COL21A1: variants seen among roughly 807,000 people sequenced by gnomAD.
The protein encoded by COL21A1 is collagen type XXI alpha 1 chain, also known as collagen alpha-1(XXI) chain.
A neutral mutation model predicts 137.9 loss-of-function variants in COL21A1; 149 were observed. The observed-to-expected ratio is 1.08, with a 90% CI of 0.95 to 1.24. The LOEUF is 1.24. Among genes scored for constraint, COL21A1 ranks in the 50% most tolerant of loss-of-function variants. The pLI, the probability that COL21A1 is intolerant of heterozygous loss-of-function variation, is 0.00. For missense variants in COL21A1, 1,167 were observed against 1,158.4 expected (o/e 1.01, Z -0.11); for synonymous variants, 456 against 391.5 (o/e 1.16, Z -1.95).
chr6:56,250,838 T>A (rs1423117741), upstream of COL21A1, among the ~76,000 whole-genome samples: 1 of 152,226 alleles, frequency 6.6e-6, no homozygotes, highest in African/African-American at 2.4e-5. Context: ...TATCTTTTTA[T>A]ATCTGATTAA....
chr6:56,213,470 A>G (rs907082437), intron 1 of COL21A1, among the ~76,000 whole-genome samples: 4 of 152,210 alleles, frequency 2.6e-5, no homozygotes, highest in African/African-American at 9.6e-5. Flanking sequence ...CCTTGGCCCA[A>G]CAATCACTCT....
chr6:56,160,137 A>G (rs529554614), intron 9 of COL21A1, among the ~76,000 whole-genome samples: 1 of 152,316 alleles, frequency 6.6e-6, no homozygotes, highest in African/African-American at 2.4e-5. Context: ...ATAAAACTGG[A>G]AGAATAAAGT....
chr6:56,335,003 T>A (rs1241532256), intron 1 of COL21A1, among the ~76,000 whole-genome samples: 6 of 152,204 alleles, frequency 3.9e-5, no homozygotes, highest in African/African-American at 1.4e-4. Flanking sequence ...TCTTTGTATA[T>A]TACCCAGTCT....
chr6:56,059,988 T>A, intron 28 of COL21A1, 30 bp downstream of exon 28: 1 of 1,533,118 alleles, frequency 6.5e-7, no homozygotes, highest in Non-Finnish European at 8.8e-7. Flanking sequence ...CTTTTTAAAA[T>A]TCATTTTCTT....
At chr6:56,382,320 C>T (rs2094009977) in intron 1 of COL21A1, among the ~76,000 whole-genome samples, 1 of 152,190 alleles carries the variant, frequency 6.6e-6, no homozygotes, top group Non-Finnish European at 1.5e-5. Flanking sequence ...TCTATATTCT[C>T]ATAATTCCAT....
intron 10 of COL21A1, among the ~76,000 whole-genome samples, chr6:56,154,935 A>G (rs1324946990): frequency 6.6e-6 from 1 of 151,358 alleles, no homozygotes; most frequent in Non-Finnish European, 1.5e-5. Context: ...TTCTTTTTTG[A>G]GTTCAGGGGT....
intron 12 of COL21A1, among the ~76,000 whole-genome samples, chr6:56,130,165 TTATATATATATATATATATATATATATA>T (rs201644225): frequency 0.11 from 11,680 of 107,964 alleles, 861 homozygotes; most frequent in African/African-American, 0.17. Context: ...TGACAGGGTT[TTATATATATATATATATATATATATATA>T]TATATATATA....
chr6:56,338,698 G>A (rs1765392890), intron 1 of COL21A1, among the ~76,000 whole-genome samples: 1 of 152,130 alleles, frequency 6.6e-6, no homozygotes, highest in South Asian at 2.1e-4. Flanking sequence ...CCATCTTAGG[G>A]GCTTCTCTAA....
intron 27 of COL21A1, 68 bp downstream of exon 27, chr6:56,060,673 T>C: frequency 7.6e-7 from 1 of 1,310,466 alleles, no homozygotes; most frequent in Non-Finnish European, 1.1e-6. Flanking sequence ...CTCTACAATA[T>C]GTCCTAAGAA....
intron 16 of COL21A1, among the ~76,000 whole-genome samples, chr6:56,117,507 T>G (rs1772048193): frequency 6.6e-6 from 1 of 152,034 alleles, no homozygotes; most frequent in Admixed American, 6.6e-5. Context: ...ATCATTCCAT[T>G]TTCAGCATTG....
intron 1 of COL21A1, among the ~76,000 whole-genome samples, chr6:56,358,405 C>T (rs747961007): frequency 3.3e-5 from 5 of 151,916 alleles, no homozygotes; most frequent in Non-Finnish European, 7.4e-5. Context: ...CATAAATGTC[C>T]TCTCTAAACA....
At chr6:56,247,918 G>A (rs1782738793), upstream of COL21A1, among the ~76,000 whole-genome samples, 1 of 152,230 alleles carries the variant, frequency 6.6e-6, no homozygotes, top group Non-Finnish European at 1.5e-5. Flanking sequence ...GATCGAAGGA[G>A]GCCTGCCTCC....
At chr6:56,287,091 A>G (rs185277252) in intron 1 of COL21A1, among the ~76,000 whole-genome samples, 1 of 152,340 alleles carries the variant, frequency 6.6e-6, no homozygotes, top group East Asian at 1.9e-4. Context: ...ATATTAATAG[A>G]AATCAAAAAT....
At chr6:56,309,275 T>A (rs1764547553) in intron 1 of COL21A1, among the ~76,000 whole-genome samples, 1 of 152,120 alleles carries the variant, frequency 6.6e-6, no homozygotes, top group Admixed American at 6.6e-5. Context: ...CCTGACCTCG[T>A]GATCTGCCCG....
intron 10 of COL21A1, among the ~76,000 whole-genome samples, chr6:56,150,916 GTACTT>G (rs1378618852): frequency 1.3e-5 from 2 of 152,124 alleles, no homozygotes; most frequent in Non-Finnish European, 2.9e-5. Context: ...CTTTAGTAAA[GTACTT>G]TACTTCATAA....
chr6:56,058,894 T>TA (rs1219114010), intron 29 of COL21A1, among the ~76,000 whole-genome samples: 4 of 152,134 alleles, frequency 2.6e-5, no homozygotes, highest in Admixed American at 6.6e-5. Flanking sequence ...ATACACCAGA[T>TA]AAGCAGGGGT....
In COL21A1 at chr6:56,246,465, G is replaced by C. The variant is rs569986928; in HGVS notation, c.-39+922C>G. On this transcript the variant is annotated intron_variant, in intron 1 of 29. Transcript: ENST00000244728. Reference sequence around the variant, plus strand: ...TTTATAAGATCTTTCAAAGTCCCCAGTATGCTTTTTTTTTTTCAATATGGG... The same window carrying C: ...TTTATAAGATCTTTCAAAGTCCCCACTATGCTTTTTTTTTTTCAATATGGG... Among the ~76,000 whole-genome samples, 12 of 61,342 alleles carry C rather than the reference G, an allele frequency of 2.0e-4. No individual in the cohort carries two copies. The South Asian group carries it at 8.2e-3, about 42-fold the overall frequency. The allele number at this position is 61,342 out of a possible 152,430, so 40.2% of individuals were successfully genotyped here. A position where few individuals can be genotyped will look rare whatever the true frequency, so the allele number is the denominator to read the frequency against.
At chr6:56,159,688 A>G (rs1776051196) in intron 9 of COL21A1, among the ~76,000 whole-genome samples, 1 of 146,392 alleles carries the variant, frequency 6.8e-6, no homozygotes, top group African/African-American at 2.5e-5. Flanking sequence ...GAGATTCAAT[A>G]ACTACTTTTT....
In COL21A1 at chr6:56,166,910, C is replaced by T. The variant is rs748887167; in HGVS notation, c.1274G>A (p.Gly425Glu). The T allele has an allele frequency of 1.9e-5, 30 of 1,611,678 alleles. No homozygotes were observed. The highest frequency in any genetic ancestry group is 2.5e-5 in the Non-Finnish European group (29 of 1,178,798). The change falls in exon 7 of 30, where the codon GGA becomes GAA. Residue 425 changes from glycine to glutamate, a missense_variant. Transcript: ENST00000244728. ...NNRETACEIP[G>E]FNGECLNGPS... The stretch of plus-strand genomic sequence containing the variant: ...AAAACAATCCCTCCTACTTACAAAT[C>T]CAGGAATCTCACATGCTGTCTCCCG...
Sources: gnomAD v4.1 joint callset for allele counts (sites outside exome capture counted in the v4.1 genomes callset) on GRCh38, gnomAD v4.1.1 for gene constraint, MANE v1.5 for transcripts, NCBI Gene and HGNC (gene_info 2026-07-23, HGNC 2026-07-21) for gene names.